NLRP12: variants seen among roughly 807,000 people sequenced by gnomAD.
NLRP12 encodes NLR family pyrin domain containing 12.
NLRP12 carries 108 observed loss-of-function variants against 91.2 expected under a neutral mutation model. The ratio of observed to expected loss-of-function variants is 1.18; its 90% CI spans 1.01 to 1.39. NLRP12 has a LOEUF of 1.39. Ranked by LOEUF, NLRP12 falls within the 40% of genes most tolerant of loss-of-function variation. The pLI is 0.00. For missense variants in NLRP12, 1,530 were observed against 1,352.7 expected (o/e 1.13, Z -2.06); for synonymous variants, 613 against 566.7 (o/e 1.08, Z -1.16).
At chr19:53,818,101 T>TGA (rs397718826) in intron 1 of NLRP12, among the ~76,000 whole-genome samples, 1 of 151,284 alleles carries the variant, frequency 6.6e-6, no homozygotes, top group Non-Finnish European at 1.5e-5. Flanking sequence ...TTTTTTTTTT[T>TGA]GAGAGAGGGT....
In NLRP12 at chr19:53,800,260, G is replaced by A. The variant is rs201808927; in HGVS notation, c.2756+967C>T. On this transcript the variant is annotated intron_variant, in intron 7 of 9. Coordinates refer to ENST00000324134, the MANE Select transcript of NLRP12 (RefSeq NM_144687.4). ...GTGGAGCTCGCAGTAAGCTGAGATCGCGCCACCGCACTCCAGCCTGGGCGA... is the reference window on the plus strand; with the variant it reads ...GTGGAGCTCGCAGTAAGCTGAGATCACGCCACCGCACTCCAGCCTGGGCGA... 1.2e-4 allele frequency among the ~76,000 whole-genome samples: 19 copies of A among 152,064 alleles called. No individual in the cohort carries two copies. In the East Asian group the frequency reaches 3.1e-3, roughly 25 times the overall value.
At chr19:53,819,373 T>A (rs1446153008) in intron 1 of NLRP12, among the ~76,000 whole-genome samples, 2 of 137,252 alleles carry the variant, frequency 1.5e-5, no homozygotes, top group African/African-American at 5.4e-5. Context: ...GCCTCCCAAG[T>A]AGCTGGGATT....
Position 53,801,373 on chromosome 19 carries a change from AGCAGTGAGGCG to A in NLRP12, c.2599_2609del (p.Arg867CysfsTer4). On this transcript the variant is annotated frameshift_variant, in exon 7 of 10. Transcript: ENST00000324134. LOFTEE classifies it high-confidence loss of function. ...TTGAGGCCAGCTCGTCACAGGCAGC[AGCAGTGAGGCG>A]GCAGATCTTCAGCCTGCACAAAGTC... 6.2e-7 allele frequency: 1 copy of A among 1,613,712 alleles called. No homozygotes were observed. The highest frequency in any genetic ancestry group is 8.5e-7 in the Non-Finnish European group (1 of 1,179,934).
intron 3 of NLRP12, 52 bp downstream of exon 3, chr19:53,809,535 A>AAAC (rs1439645791): frequency 1.4e-5 from 21 of 1,448,740 alleles, no homozygotes; most frequent in Non-Finnish European, 1.8e-5. Context: ...AAAAAAAAAA[A>AAAC]AAAAAACACA....
chr19:53,796,560 C>G (rs9304758), intron 8 of NLRP12, among the ~76,000 whole-genome samples: 81,667 of 151,200 alleles, frequency 0.54, 22,324 homozygotes, highest in South Asian at 0.63. Context: ...ATTTTTATAT[C>G]TTTAGTGGAG....
At chr19:53,811,974 C>A (rs949956567) in intron 2 of NLRP12, among the ~76,000 whole-genome samples, 1 of 152,054 alleles carries the variant, frequency 6.6e-6, no homozygotes, top group Non-Finnish European at 1.5e-5. Context: ...CGGTGGCTCA[C>A]GCCTGTAATC....
intron 1 of NLRP12, among the ~76,000 whole-genome samples, chr19:53,815,353 C>A (rs1185179621): frequency 6.7e-6 from 1 of 149,824 alleles, no homozygotes; most frequent in African/African-American, 2.5e-5. Context: ...CTCAGCCTCA[C>A]GAGTAGCTGG....
chr19:53,809,949 C>G lies in NLRP12; in HGVS notation c.1710G>C (p.Glu570Asp), dbSNP rs779347258. The G allele has an allele frequency of 3.7e-6, 6 of 1,614,154 alleles. No homozygotes were observed. Among genetic ancestry groups the G allele is most frequent in the East Asian group, 2.2e-5 (1 of 44,868 alleles). ...GACTCTTCTCCAGGTGGCTCCTGGTCTCCTCGTTCAGGAGTCCAAACAGGA... is the reference window on the plus strand; with the variant it reads ...GACTCTTCTCCAGGTGGCTCCTGGTGTCCTCGTTCAGGAGTCCAAACAGGA... Reference protein sequence around the residue: ...SRFLFGLLNEETRSHLEKSLC... With the variant: ...SRFLFGLLNEDTRSHLEKSLC... The change falls in exon 3 of 10, where the codon GAG becomes GAC. Residue 570 changes from glutamate (E) to aspartate (D), a missense_variant. By Grantham distance (45) the Glu-to-Asp change is conservative (BLOSUM62 2). Coordinates refer to ENST00000324134, the MANE Select transcript of NLRP12 (RefSeq NM_144687.4).
chr19:53,807,857 T>C, intron 3 of NLRP12, 192 bp from the exon 4 acceptor site: 1 of 598,244 alleles, frequency 1.7e-6, no homozygotes, highest in South Asian at 1.6e-5. Context: ...TTCAAGCGAT[T>C]CTCCTGCCTC....
Position 53,809,849 on chromosome 19 carries a change from A to G in NLRP12, c.1810T>C (p.Ser604Pro). 1.9e-6 allele frequency: 3 copies of G among 1,614,088 alleles called. No homozygotes were observed. Among genetic ancestry groups the G allele is most frequent in the Non-Finnish European group, 2.5e-6 (3 of 1,180,020 alleles). Reference sequence around the variant, plus strand: ...TCCAAGGAGCCCTGCTGCAGGGTGGAGCCGTCGCTCTGAGCTTTGCTTTGG... The same window carrying G: ...TCCAAGGAGCCCTGCTGCAGGGTGGGGCCGTCGCTCTGAGCTTTGCTTTGG... ...WIQSKAQSDG[S>P]TLQQGSLEFF... The change falls in exon 3 of 10, where the codon TCC (serine) becomes CCC (proline). Residue 604 changes from serine (S) to proline (P), a missense_variant. By Grantham distance (74) the Ser-to-Pro change is moderately conservative. Coordinates refer to ENST00000324134, the MANE Select transcript of NLRP12 (RefSeq NM_144687.4).
In NLRP12 at chr19:53,819,571, G is replaced by GTATGTATACGTATACACA. The variant is rs747379506; in HGVS notation, c.289+4314_289+4315insTGTGTATACGTATACATA. 9.7e-5 allele frequency among the ~76,000 whole-genome samples: 8 copies of GTATGTATACGTATACACA among 82,256 alleles called. 2 individuals are homozygous for GTATGTATACGTATACACA. Among genetic ancestry groups the GTATGTATACGTATACACA allele is most frequent in the Non-Finnish European group, 2.7e-5 (1 of 37,546 alleles). 54.0% of individuals were successfully genotyped at this position (82,256 alleles called of 152,430 possible). A position where few individuals can be genotyped will look rare whatever the true frequency, so the allele number is the denominator to read the frequency against. On this transcript the variant is annotated intron_variant, in intron 1 of 9. Transcript: ENST00000324134. ...TATATGTATGTATACGTATATATAT[G>GTATGTATACGTATACACA]CGTATATATGTATGTATACGTATAT... is the stretch of plus-strand genomic sequence containing the variant.
At chr19:53,823,450 AT>A (rs1429725620) in intron 1 of NLRP12, among the ~76,000 whole-genome samples, 2 of 34,626 alleles carry the variant, frequency 5.8e-5, no homozygotes, top group African/African-American at 1.1e-4. Context: ...TATGTTTTAA[AT>A]ATATATTTTA....
At chr19:53,799,216 T>C (rs1299858833) in intron 7 of NLRP12, among the ~76,000 whole-genome samples, 2 of 151,080 alleles carry the variant, frequency 1.3e-5, no homozygotes, top group African/African-American at 2.4e-5. Flanking sequence ...TTTCACCAGT[T>C]GGCCAGGATG....
chr19:53,803,696 CCT>C (rs1204314265), intron 6 of NLRP12: 4 of 450,028 alleles, frequency 8.9e-6, no homozygotes, highest in East Asian at 1.0e-4. Flanking sequence ...GCCTCAGCCC[CCT>C]GAGTAGCTGT....
At chr19:53,811,486 C>G (rs1462298059) in intron 2 of NLRP12, among the ~76,000 whole-genome samples, 198 bp from the exon 3 acceptor site, 1 of 151,610 alleles carries the variant, frequency 6.6e-6, no homozygotes, top group Non-Finnish European at 1.5e-5. Context: ...TGCACTCTAG[C>G]CTGGGCAACA....
chr19:53,823,405 T>TAAA (rs1424077022), intron 1 of NLRP12, among the ~76,000 whole-genome samples: 1 of 129,408 alleles, frequency 7.7e-6, no homozygotes. Flanking sequence ...AATATATATT[T>TAAA]AAAATATATG....
At chr19:53,815,934 A>ATTT (rs576400966) in intron 1 of NLRP12, among the ~76,000 whole-genome samples, 2 of 135,522 alleles carry the variant, frequency 1.5e-5, no homozygotes, top group African/African-American at 2.7e-5. Flanking sequence ...AAATATTTTA[A>ATTT]TTTTTTTTTT....
At chr19:53,798,114 C>G in intron 8 of NLRP12, 129 bp downstream of exon 8, 2 of 1,059,698 alleles carry the variant, frequency 1.9e-6, no homozygotes, top group Non-Finnish European at 2.9e-6. Flanking sequence ...TTTCTTTCCA[C>G]CTCTCTTCTT....
intron 6 of NLRP12, among the ~76,000 whole-genome samples, chr19:53,803,118 C>T (rs2866111): frequency 0.18 from 27,453 of 152,002 alleles, 2,815 homozygotes; most frequent in South Asian, 0.23. Context: ...AGAGGGCTGA[C>T]TGTGGCTCAG....
Sources: gnomAD v4.1 joint callset for allele counts (sites outside exome capture counted in the v4.1 genomes callset) on GRCh38, gnomAD v4.1.1 for gene constraint, MANE v1.5 for transcripts, NCBI Gene and HGNC (gene_info 2026-07-23, HGNC 2026-07-21) for gene names.